Variants in NPAS3 observed in about 807,000 individuals in gnomAD.
NPAS3 encodes the protein neuronal PAS domain-containing protein 3.
NPAS3 carries 14 observed loss-of-function variants against 73.1 expected under a neutral mutation model. The observed-to-expected ratio is 0.19, with a 90% confidence interval of 0.13 to 0.30. The LOEUF (loss-of-function observed/expected upper bound fraction) is 0.30, where lower values mean the gene tolerates loss of function less well. Ranked by LOEUF, NPAS3 falls within the 10% of genes least tolerant of loss-of-function variation. The probability of loss-of-function intolerance (pLI) is 1.00; values close to 1 mark genes in which losing one functional copy is unlikely to be tolerated. For missense variants in NPAS3, 1,096 were observed against 1,250.0 expected (o/e 0.88, Z 1.86); for synonymous variants, 620 against 541.5 (o/e 1.14, Z -2.01).
chr14:33,616,967 T>C (rs867196142), intron 5 of NPAS3, among the ~76,000 whole-genome samples: 1 of 152,212 alleles, frequency 6.6e-6, no homozygotes. Context: ...ATACCAGCTG[T>C]GCCAGCAACA....
At chr14:33,784,964 G>A (rs2063123296) in intron 9 of NPAS3, among the ~76,000 whole-genome samples, 1 of 150,594 alleles carries the variant, frequency 6.6e-6, no homozygotes, top group Non-Finnish European at 1.5e-5. Context: ...TGGTCAGGCT[G>A]GTCTCGAGCT....
intron 5 of NPAS3, among the ~76,000 whole-genome samples, chr14:33,656,249 C>T (rs1289350313): frequency 2.0e-5 from 3 of 152,180 alleles, no homozygotes; most frequent in African/African-American, 7.2e-5. Context: ...ATTGGTTTCT[C>T]TTATCAATTG....
chr14:33,094,114 TA>T (rs34494598), intron 2 of NPAS3, among the ~76,000 whole-genome samples: 65,338 of 148,642 alleles, frequency 0.44, 15,665 homozygotes, highest in African/African-American at 0.66. Context: ...ACTTAAAGTA[TA>T]AAAAAAAAAA....
chr14:33,009,165 G>T (rs976019402), intron 1 of NPAS3, among the ~76,000 whole-genome samples: 31 of 152,130 alleles, frequency 2.0e-4, no homozygotes, highest in African/African-American at 7.2e-4. Flanking sequence ...CACTGTATTA[G>T]AAAAGTAAAT....
chr14:33,784,554 A>G (rs2063082616), intron 9 of NPAS3, among the ~76,000 whole-genome samples: 1 of 152,068 alleles, frequency 6.6e-6, no homozygotes, highest in South Asian at 2.1e-4. Flanking sequence ...GCAGGCTTAG[A>G]AGAGCATAGG....
rs139535336 is a variant in NPAS3, at chr14:33,305,972, T to A, written c.386-61214T>A. Among the ~76,000 whole-genome samples, 272 of 152,176 alleles carry A rather than the reference T, an allele frequency of 1.8e-3. 1 individual carries two copies. The highest frequency in any genetic ancestry group is 6.2e-3 in the African/African-American group (259 of 41,520). On this transcript the variant is annotated intron_variant, in intron 3 of 11. Coordinates refer to ENST00000356141, the Ensembl canonical transcript of NPAS3. ...TGTTTATAGTATGCTGACCTAGGAG[T>A]AGGGTAGGAAAGTGGTTGGGTGTTT...
chr14:33,789,583 C>CTTTTTTTTTTTTTTTTTTT lies in NPAS3; in HGVS notation c.1154-4309_1154-4291dup, dbSNP rs10567527. Among the ~76,000 whole-genome samples the CTTTTTTTTTTTTTTTTTTT allele has an allele frequency of 1.4e-4, 13 of 92,414 alleles. 2 individuals are homozygous for CTTTTTTTTTTTTTTTTTTT. Among genetic ancestry groups the CTTTTTTTTTTTTTTTTTTT allele is most frequent in the African/African-American group, 3.9e-4 (9 of 23,086 alleles). The allele number at this position is 92,414 out of a possible 152,430, so 60.6% of individuals were successfully genotyped here. A position where few individuals can be genotyped will look rare whatever the true frequency, so the allele number is the denominator to read the frequency against. On this transcript the variant is annotated intron_variant, in intron 9 of 11. Transcript: ENST00000356141. Reference sequence around the variant, plus strand: ...ACTAAAAGTAATTACTAGAGTACAACTTTTTTTTTTTTTTTTTTTTTTTGA... The same window carrying CTTTTTTTTTTTTTTTTTTT: ...ACTAAAAGTAATTACTAGAGTACAACTTTTTTTTTTTTTTTTTTTTTTTTTTTTTTTTTTTTTTTTTTGA...
chr14:33,640,980 T>C (rs1012034309), intron 5 of NPAS3, among the ~76,000 whole-genome samples: 1 of 152,250 alleles, frequency 6.6e-6, no homozygotes, highest in African/African-American at 2.4e-5. Context: ...GGTACCCAAG[T>C]GTTACTGGCA....
intron 3 of NPAS3, among the ~76,000 whole-genome samples, chr14:33,338,637 G>T (rs1005739696): frequency 6.6e-6 from 1 of 152,022 alleles, no homozygotes; most frequent in African/African-American, 2.4e-5. Context: ...TTCTATCTGC[G>T]TAGTAAGATA....
chr14:33,575,109 CAAAAATCCT>C (rs558134598), intron 5 of NPAS3, among the ~76,000 whole-genome samples: 47 of 152,168 alleles, frequency 3.1e-4, no homozygotes, highest in Non-Finnish European at 5.9e-4. Context: ...TGCCCCAAGA[CAAAAATCCT>C]AGGAAATTCT....
At chr14:33,255,055 T>C (rs1201595723) in intron 3 of NPAS3, among the ~76,000 whole-genome samples, 1 of 152,174 alleles carries the variant, frequency 6.6e-6, no homozygotes, top group African/African-American at 2.4e-5. Flanking sequence ...AACTTGGAAT[T>C]GGAAACAGGC....
At chr14:33,271,796 G>A (rs1379876570) in intron 3 of NPAS3, among the ~76,000 whole-genome samples, 2 of 151,930 alleles carry the variant, frequency 1.3e-5, no homozygotes, top group East Asian at 1.9e-4. Flanking sequence ...CCATTTGGGG[G>A]GACAATATTG....
chr14:33,276,455 A>G (rs560481237), intron 3 of NPAS3, among the ~76,000 whole-genome samples: 4 of 152,096 alleles, frequency 2.6e-5, no homozygotes, highest in Non-Finnish European at 5.9e-5. Context: ...CCTATTATGA[A>G]CAATAATATT....
At chr14:33,399,029 C>T (rs1380603568) in intron 4 of NPAS3, among the ~76,000 whole-genome samples, 2 of 151,968 alleles carry the variant, frequency 1.3e-5, no homozygotes, top group Admixed American at 6.6e-5. Flanking sequence ...ATTAAGAGTT[C>T]GAGCCGTCTT....
intron 1 of NPAS3, among the ~76,000 whole-genome samples, chr14:32,948,278 C>CA (rs1438838517): frequency 7.2e-5 from 11 of 151,910 alleles, no homozygotes; most frequent in African/African-American, 2.4e-4. Context: ...CAAAGTTGTC[C>CA]AAAAATGGTT....
chr14:33,796,320 A>G (rs890469734), intron 10 of NPAS3, among the ~76,000 whole-genome samples: 2 of 152,164 alleles, frequency 1.3e-5, no homozygotes, highest in African/African-American at 4.8e-5. Context: ...TTATAGACTC[A>G]GAGTATTCAG....
intron 5 of NPAS3, chr14:33,612,334 C>A (rs1407817762): frequency 2.2e-6 from 1 of 450,580 alleles, no homozygotes; most frequent in African/African-American, 2.0e-5. Context: ...CCAGCTGAGC[C>A]CCTTCTTTAT....
At chr14:33,495,654 C>G (rs1489570854) in intron 4 of NPAS3, among the ~76,000 whole-genome samples, 5 of 152,176 alleles carry the variant, frequency 3.3e-5, no homozygotes, top group African/African-American at 1.2e-4. Flanking sequence ...AATCTGGGTA[C>G]TACTGTGTTA....
intron 1 of NPAS3, among the ~76,000 whole-genome samples, chr14:33,000,061 A>G (rs1303890360): frequency 6.6e-6 from 1 of 152,224 alleles, no homozygotes; most frequent in Non-Finnish European, 1.5e-5. Context: ...GGAATAGAGA[A>G]TGGTAGCACC....
Sources: gnomAD v4.1 joint callset for allele counts (sites outside exome capture counted in the v4.1 genomes callset) on GRCh38, gnomAD v4.1.1 for gene constraint, MANE v1.5 for transcripts, NCBI Gene and HGNC (gene_info 2026-07-23, HGNC 2026-07-21) for gene names.